Variants in SLC35F1 observed in about 807,000 individuals in gnomAD.
SLC35F1 encodes the protein solute carrier family 35 member F1, also known as chromosome 6 open reading frame 169.
In SLC35F1, 14 loss-of-function variants were observed where a neutral mutation model predicts 48.7. That is an observed-to-expected ratio of 0.29 (90% confidence interval 0.19 to 0.45). SLC35F1 has a LOEUF of 0.45. Ranked by LOEUF, SLC35F1 falls within the 20% of genes least tolerant of loss-of-function variation. SLC35F1 has a pLI of 1.00. For missense variants in SLC35F1, 404 were observed against 500.0 expected (o/e 0.81, Z 1.83); for synonymous variants, 190 against 202.2 (o/e 0.94, Z 0.51).
intron 7 of SLC35F1, among the ~76,000 whole-genome samples, chr6:118,307,200 T>A (rs1776321698): frequency 1.3e-5 from 2 of 152,252 alleles, no homozygotes; most frequent in African/African-American, 2.4e-5. Context: ...GCATTCTGAC[T>A]AAGGCACTCG....
rs72957827 is a variant in SLC35F1 at position 117,945,140 on chromosome 6, G to A, written c.173+37241G>A. Among the ~76,000 whole-genome samples, 1,239 of 152,206 alleles carry A rather than the reference G, an allele frequency of 8.1e-3. 9 individuals are homozygous for A. Among genetic ancestry groups the A allele is most frequent in the Non-Finnish European group, 0.014 (954 of 68,006 alleles). On this transcript the variant is annotated intron_variant, in intron 1 of 7. Transcript: ENST00000360388. ...GCTGAGGAAGATCCCTCTTGGCAGG[G>A]CATTTGGAAAAGCTGTGGGGCTCCG...
chr6:117,939,006 T>G (rs538548799), intron 1 of SLC35F1, among the ~76,000 whole-genome samples: 1 of 116,878 alleles, frequency 8.6e-6, no homozygotes, highest in East Asian at 2.7e-4. Flanking sequence ...TGAATTCTTG[T>G]TCTTTTTTTT....
Position 118,070,990 on chromosome 6 carries a change from ACGTG to A in SLC35F1, c.174-83454_174-83451del, listed in dbSNP as rs139436256. On this transcript the variant is annotated intron_variant, in intron 1 of 7. Transcript: ENST00000360388. Reference sequence around the variant, plus strand: ...TATATACACATAGTATATATATTCTACGTGTGTGTATATATATACACGTAGTATA... The same window carrying A: ...TATATACACATAGTATATATATTCTATGTGTATATATATACACGTAGTATA... 7.1e-5 allele frequency among the ~76,000 whole-genome samples: 6 copies of A among 85,100 alleles called. No homozygotes were observed. In the East Asian group the frequency reaches 1.5e-3, roughly 22 times the overall value. 55.8% of individuals were successfully genotyped at this position (85,100 alleles called of 152,430 possible).
chr6:118,076,300 G>A (rs890065039), intron 1 of SLC35F1, among the ~76,000 whole-genome samples: 1 of 152,116 alleles, frequency 6.6e-6, no homozygotes, highest in African/African-American at 2.4e-5. Context: ...TTTATGAGGT[G>A]GGAAGTTTTA....
At position 117,933,032 on chromosome 6, in the gene SLC35F1, G is replaced by A. The variant is rs112307846; in HGVS notation, c.173+25133G>A. ...AACTTGTTTGACTTCTGCTTTTTAT[G>A]CTTCATAACTAGAAGCATAAATCTG... On this transcript the variant is annotated intron_variant, in intron 1 of 7. Transcript: ENST00000360388. Among the ~76,000 whole-genome samples, 988 of 152,252 alleles carry A rather than the reference G, an allele frequency of 6.5e-3. 10 individuals are homozygous for A. Among genetic ancestry groups the A allele is most frequent in the African/African-American group, 0.022 (932 of 41,552 alleles).
At chr6:118,086,586 A>T (rs1159618776) in intron 1 of SLC35F1, among the ~76,000 whole-genome samples, 2 of 152,206 alleles carry the variant, frequency 1.3e-5, no homozygotes, top group Non-Finnish European at 2.9e-5. Context: ...ACTTGCAGCT[A>T]CTGTTTGGGA....
intron 1 of SLC35F1, among the ~76,000 whole-genome samples, chr6:118,118,953 T>G (rs1378028188): frequency 6.6e-6 from 1 of 151,884 alleles, no homozygotes; most frequent in Non-Finnish European, 1.5e-5. Context: ...TTTTTTTTTT[T>G]TTTGCTACAG....
chr6:118,265,054 A>C (rs901741029), intron 3 of SLC35F1, among the ~76,000 whole-genome samples: 2 of 152,204 alleles, frequency 1.3e-5, no homozygotes, highest in Admixed American at 6.5e-5. Context: ...TCACCTTATC[A>C]TCTCAGCAAC....
rs372724657 is a variant in SLC35F1, at chr6:118,078,630, A to C, written c.174-75815A>C. 5.9e-5 allele frequency among the ~76,000 whole-genome samples: 9 copies of C among 152,204 alleles called. No individual in the cohort carries two copies. The East Asian group carries it at 1.7e-3, about 29-fold the overall frequency. ...ACACATTGATTTTTACCATCATTAC[A>C]ATCCCTGTAAATCTTAGACTGGAGG... On this transcript the variant is annotated intron_variant, in intron 1 of 7. Coordinates refer to ENST00000360388, the MANE Select transcript of SLC35F1 (RefSeq NM_001029858.4).
intron 2 of SLC35F1, among the ~76,000 whole-genome samples, chr6:118,163,808 A>G (rs1774276172): frequency 6.6e-6 from 1 of 152,242 alleles, no homozygotes; most frequent in East Asian, 1.9e-4. Context: ...GTTTATCTTT[A>G]CAATCATCTT....
chr6:118,146,355 C>A (rs1206527043), intron 1 of SLC35F1, among the ~76,000 whole-genome samples: 4 of 152,122 alleles, frequency 2.6e-5, no homozygotes, highest in African/African-American at 7.2e-5. Context: ...CTTTAAATTC[C>A]TCTGTGCTTA....
At chr6:118,079,546 T>G (rs746592933) in intron 1 of SLC35F1, among the ~76,000 whole-genome samples, 5 of 152,172 alleles carry the variant, frequency 3.3e-5, no homozygotes, top group Non-Finnish European at 7.3e-5. Context: ...GGATAGGGGC[T>G]CACTTTATAT....
intron 1 of SLC35F1, among the ~76,000 whole-genome samples, chr6:118,068,467 T>A (rs1028939135): frequency 6.6e-6 from 1 of 152,146 alleles, no homozygotes; most frequent in Non-Finnish European, 1.5e-5. Context: ...CAATCAACTC[T>A]CCCCTTGCTA....
chr6:117,926,423 A>C (rs12662276), intron 1 of SLC35F1, among the ~76,000 whole-genome samples: 33,126 of 151,974 alleles, frequency 0.22, 4,004 homozygotes, highest in African/African-American at 0.32. Context: ...TCGTAGCAGC[A>C]TGAGGATGGA....
chr6:118,025,267 A>G (rs1009404437), intron 1 of SLC35F1, among the ~76,000 whole-genome samples: 1 of 152,152 alleles, frequency 6.6e-6, no homozygotes, highest in Non-Finnish European at 1.5e-5. Flanking sequence ...TGAGGAGCAC[A>G]AGTTAGATAT....
chr6:118,089,428 G>A (rs989334017), intron 1 of SLC35F1, among the ~76,000 whole-genome samples: 1 of 152,164 alleles, frequency 6.6e-6, no homozygotes, highest in African/African-American at 2.4e-5. Context: ...GCATCTATGA[G>A]CCTTTTGCTA....
intron 2 of SLC35F1, among the ~76,000 whole-genome samples, chr6:118,221,384 T>G (rs1775148984): frequency 6.6e-6 from 1 of 152,186 alleles, no homozygotes; most frequent in Non-Finnish European, 1.5e-5. Flanking sequence ...ATTATGAGCT[T>G]GTCAAAACCT....
At chr6:118,263,676 TTTTG>T (rs199630202) in intron 3 of SLC35F1, among the ~76,000 whole-genome samples, 58 of 152,170 alleles carry the variant, frequency 3.8e-4, no homozygotes, top group South Asian at 6.2e-4. Context: ...GAAGAGGAGT[TTTTG>T]TTTGTTTGTT....
chr6:118,211,680 A>T (rs1384219252), intron 2 of SLC35F1, among the ~76,000 whole-genome samples: 1 of 152,188 alleles, frequency 6.6e-6, no homozygotes, highest in Non-Finnish European at 1.5e-5. Context: ...ATAGCATTTT[A>T]ATATTTTCAT....
Sources: gnomAD v4.1 joint callset for allele counts (sites outside exome capture counted in the v4.1 genomes callset) on GRCh38, gnomAD v4.1.1 for gene constraint, MANE v1.5 for transcripts, NCBI Gene and HGNC (gene_info 2026-07-23, HGNC 2026-07-21) for gene names.